The following NRG4 variants were observed in gnomAD, a reference collection of about 807,000 sequenced individuals.
The protein encoded by NRG4 is neuregulin 4.
In NRG4, 10 loss-of-function variants were observed where a neutral mutation model predicts 15.0. That is an observed-to-expected ratio of 0.67 (90% CI 0.41 to 1.13). The LOEUF is 1.13. NRG4 is among the 50% of genes most tolerant of loss of function. The pLI is 0.00. For missense variants in NRG4, 139 were observed against 140.2 expected (o/e 0.99, Z 0.04); for synonymous variants, 41 against 50.1 (o/e 0.82, Z 0.77).
intron 3 of NRG4, among the ~76,000 whole-genome samples, chr15:75,964,572 C>G (rs913542944): frequency 1.3e-5 from 2 of 152,174 alleles, no homozygotes; most frequent in Admixed American, 6.5e-5. Flanking sequence ...TAAGGAAGAT[C>G]TCTTTTAAAA....
intron 3 of NRG4, among the ~76,000 whole-genome samples, chr15:75,982,513 C>T (rs1248603981): frequency 6.6e-6 from 1 of 152,184 alleles, no homozygotes; most frequent in Non-Finnish European, 1.5e-5. Context: ...ATGACCACCA[C>T]TTCTAGCTCC....
intron 3 of NRG4, among the ~76,000 whole-genome samples, chr15:75,983,979 A>G (rs916080006): frequency 2.0e-5 from 3 of 152,334 alleles, no homozygotes; most frequent in South Asian, 2.1e-4. Context: ...TTAATTTATG[A>G]ATATAAATGT....
intron 2 of NRG4, chr15:76,056,820 T>C (rs1194277930): frequency 6.6e-6 from 1 of 152,200 alleles, no homozygotes; most frequent in Non-Finnish European, 1.5e-5. Flanking sequence ...TTTTCAGACA[T>C]TCACAGGATC....
chr15:75,966,952 T>A (rs544464865), intron 3 of NRG4, among the ~76,000 whole-genome samples: 50 of 151,788 alleles, frequency 3.3e-4, no homozygotes, highest in African/African-American at 1.2e-3. Flanking sequence ...CCATCTCTAC[T>A]GAAAATACAA....
intron 4 of NRG4, among the ~76,000 whole-genome samples, chr15:75,960,399 TA>T (rs1210459916): frequency 1.3e-5 from 2 of 152,186 alleles, no homozygotes; most frequent in African/African-American, 2.4e-5. Context: ...ACTTGGGGGA[TA>T]AAAAAACTTT....
At chr15:76,032,053 A>G (rs2035486856) in intron 5 of NRG4, among the ~76,000 whole-genome samples, 1 of 152,200 alleles carries the variant, frequency 6.6e-6, no homozygotes, top group South Asian at 2.1e-4. Context: ...CTAGGCACAG[A>G]GCCACCATGC....
At chr15:76,055,290 A>C (rs1420868628) in intron 2 of NRG4, among the ~76,000 whole-genome samples, 2 of 152,236 alleles carry the variant, frequency 1.3e-5, no homozygotes, top group Admixed American at 6.5e-5. Flanking sequence ...CTCAAAAAAA[A>C]TTATTCAAGA....
At position 76,047,609 on chromosome 15, in the gene NRG4, G is replaced by C. The variant is rs555015602; in HGVS notation, c.-105+4458C>G. On this transcript the variant is annotated intron_variant, in intron 4 of 8. Coordinates refer to the NRG4 transcript ENST00000563910. ...AGAGAGTAGAATGGTGGTTACCAAA[G>C]GCCATTAAGGATAGAGGAGAGGGAA... Among the ~76,000 whole-genome samples the C allele has an allele frequency of 3.9e-4, 58 of 150,382 alleles. 3 individuals carry two copies. Among genetic ancestry groups the C allele is most frequent in the African/African-American group, 1.3e-3 (54 of 40,180 alleles).
chr15:75,956,511 T>G (rs1006448525), intron 4 of NRG4, among the ~76,000 whole-genome samples: 1 of 26,394 alleles, frequency 3.8e-5, no homozygotes, highest in African/African-American at 4.7e-5. Flanking sequence ...AGGTTATGAT[T>G]TATGTTATGA....
chr15:75,954,787 T>C (rs1191849118), intron 5 of NRG4, among the ~76,000 whole-genome samples: 1 of 152,042 alleles, frequency 6.6e-6, no homozygotes, highest in Non-Finnish European at 1.5e-5. Flanking sequence ...TTGGTAATTG[T>C]ATTGGATGTG....
intron 5 of NRG4, among the ~76,000 whole-genome samples, chr15:76,025,996 A>C (rs2035306495): frequency 6.6e-6 from 1 of 152,150 alleles, no homozygotes; most frequent in South Asian, 2.1e-4. Context: ...CCCCGACTAC[A>C]CACCCAAAAA....
At chr15:75,945,743 C>T (rs1407710620) in intron 5 of NRG4, 1 of 152,138 alleles carries the variant, frequency 6.6e-6, no homozygotes, top group Non-Finnish European at 1.5e-5. Flanking sequence ...GTGAAATATA[C>T]TTAACAAAAT....
chr15:76,016,635 A>C (rs1337633041), upstream of NRG4, among the ~76,000 whole-genome samples: 1 of 152,128 alleles, frequency 6.6e-6, no homozygotes, highest in East Asian at 1.9e-4. Flanking sequence ...GTTTCCATGT[A>C]CTTGTGCAGT....
chr15:76,010,820 C>T (rs1481489140), intron 2 of NRG4, among the ~76,000 whole-genome samples: 1 of 152,024 alleles, frequency 6.6e-6, no homozygotes, highest in African/African-American at 2.4e-5. Context: ...AGATTAGTGT[C>T]CTTGTTTTAA....
In NRG4 at chr15:75,978,801, C is replaced by T. The variant is rs151068939; in HGVS notation, c.105-16827G>A. On this transcript the variant is annotated intron_variant, in intron 3 of 5. Coordinates refer to ENST00000394907, the MANE Select transcript of NRG4 (RefSeq NM_138573.4). ...TTCCCCTATGGTTAGCGATGTTGAA[C>T]ATTTTTTTCATCTGTTGGCCATTTA... Among the ~76,000 whole-genome samples, 978 of 152,258 alleles carry T rather than the reference C, an allele frequency of 6.4e-3. 10 individuals are homozygous for T. The highest frequency in any genetic ancestry group is 0.021 in the African/African-American group (885 of 41,536).
chr15:76,058,465 C>T (rs1484670984), intron 1 of NRG4, among the ~76,000 whole-genome samples: 1 of 150,742 alleles, frequency 6.6e-6, no homozygotes, highest in East Asian at 1.9e-4. Context: ...TATAGATATT[C>T]CCGTATAATC....
At chr15:76,057,143 T>C (rs749362802) in intron 1 of NRG4, 13 of 152,142 alleles carry the variant, frequency 8.5e-5, no homozygotes, top group Non-Finnish European at 1.5e-4. Flanking sequence ...TCACCTGCAG[T>C]GTACTGAAGC....
At chr15:75,976,861 C>G (rs1488115614) in intron 3 of NRG4, among the ~76,000 whole-genome samples, 2 of 152,236 alleles carry the variant, frequency 1.3e-5, no homozygotes, top group African/African-American at 4.8e-5. Flanking sequence ...GAGTGCTGTG[C>G]TGGGAGATCT....
chr15:76,000,558 TTGG>T (rs1229230068), intron 3 of NRG4, among the ~76,000 whole-genome samples: 2 of 152,186 alleles, frequency 1.3e-5, no homozygotes, highest in Non-Finnish European at 2.9e-5. Context: ...CCCAAATATA[TTGG>T]TGGGAGTTCA....
Sources: gnomAD v4.1 joint callset for allele counts (sites outside exome capture counted in the v4.1 genomes callset) on GRCh38, gnomAD v4.1.1 for gene constraint, MANE v1.5 for transcripts, NCBI Gene and HGNC (gene_info 2026-07-23, HGNC 2026-07-21) for gene names.